RARB: variants seen among roughly 807,000 people sequenced by gnomAD.
RARB encodes the protein HBV-activated protein.
RARB carries 17 observed loss-of-function variants against 51.9 expected under a neutral mutation model. That is an observed-to-expected ratio of 0.33 (90% CI 0.22 to 0.49). RARB has a LOEUF of 0.49. RARB is among the 20% of genes least tolerant of loss of function. The probability of loss-of-function intolerance (pLI) is 0.99; values close to 1 mark genes in which losing one functional copy is unlikely to be tolerated. For missense variants in RARB, 369 were observed against 550.8 expected, an observed-to-expected ratio of 0.67 and a Z score of 3.30; for synonymous variants, 215 against 195.4, an observed-to-expected ratio of 1.10 and a Z score of -0.84.
chr3:25,250,081 CTGGTGCTGG>C (rs1245441228), intron 5 of RARB, among the ~76,000 whole-genome samples: 4 of 152,134 alleles, frequency 2.6e-5, no homozygotes, highest in African/African-American at 9.7e-5. Flanking sequence ...GGAGTCCACA[CTGGTGCTGG>C]TGGTGGCTGT....
intron 2 of RARB, among the ~76,000 whole-genome samples, chr3:25,048,906 C>G (rs892004619): frequency 1.3e-5 from 2 of 152,064 alleles, no homozygotes. Flanking sequence ...GCGCCCGCCA[C>G]TGTGCCCGGC....
At chr3:24,940,037 A>G (rs1368410724) in intron 2 of RARB, among the ~76,000 whole-genome samples, 1 of 152,218 alleles carries the variant, frequency 6.6e-6, no homozygotes, top group African/African-American at 2.4e-5. Context: ...GTTATTATGT[A>G]AATGGGCTCT....
intron 2 of RARB, among the ~76,000 whole-genome samples, chr3:24,921,743 G>A (rs890260517): frequency 5.3e-5 from 8 of 152,114 alleles, no homozygotes; most frequent in Non-Finnish European, 1.0e-4. Context: ...GACTAAATTT[G>A]TCTGGACCTA....
chr3:25,394,029 TGAA>T (rs1360200140), intron 5 of RARB, among the ~76,000 whole-genome samples: 1 of 152,014 alleles, frequency 6.6e-6, no homozygotes, highest in Non-Finnish European at 1.5e-5. Context: ...TTCTTTTTGA[TGAA>T]GGTGTTTAAT....
chr3:25,081,541 T>G (rs1419276393), intron 3 of RARB, among the ~76,000 whole-genome samples: 1 of 139,838 alleles, frequency 7.2e-6, no homozygotes, highest in Admixed American at 7.3e-5. Flanking sequence ...TAATTGTACA[T>G]GTGCCTATTT....
upstream of RARB, chr3:25,428,168 G>A: frequency 1.8e-6 from 2 of 1,126,204 alleles, no homozygotes; most frequent in Non-Finnish European, 2.2e-6. Flanking sequence ...AGTTGGTGAT[G>A]TCAGACTAGT....
chr3:25,203,964 G>C (rs1011383554), intron 5 of RARB, among the ~76,000 whole-genome samples: 15 of 152,100 alleles, frequency 9.9e-5, no homozygotes, highest in African/African-American at 3.6e-4. Flanking sequence ...TCCTGAATTT[G>C]AATGTTGGCC....
Position 25,042,852 on chromosome 3 carries a change from C to T in RARB, c.-379-17273C>T, listed in dbSNP as rs537948670. On this transcript the variant is annotated intron_variant, in intron 2 of 11. Coordinates refer to the RARB transcript ENST00000383772. Reference sequence around the variant, plus strand: ...TGGTACCCCTTGACCAATATATCCCCATTTCCTCTACCCCTCCAGCCCCTG... The same window carrying T: ...TGGTACCCCTTGACCAATATATCCCTATTTCCTCTACCCCTCCAGCCCCTG... Among the ~76,000 whole-genome samples, 299 of 152,310 alleles carry T rather than the reference C, an allele frequency of 2.0e-3. 1 individual carries two copies. Among genetic ancestry groups the T allele is most frequent in the South Asian group, 7.1e-3 (34 of 4,818 alleles).
intron 4 of RARB, among the ~76,000 whole-genome samples, chr3:25,133,821 G>A (rs998343868): frequency 9.0e-6 from 1 of 110,710 alleles, no homozygotes. Flanking sequence ...GTATGTGTGT[G>A]ACACAAGGAG....
At chr3:25,327,621 G>T in intron 5 of RARB, among the ~76,000 whole-genome samples, 1 of 152,282 alleles carries the variant, frequency 6.6e-6, no homozygotes, top group African/African-American at 2.4e-5. Context: ...ATCTGATCTT[G>T]AGGTTTGGCT....
intron 5 of RARB, among the ~76,000 whole-genome samples, chr3:25,282,343 AC>A (rs1478968345): frequency 1.3e-5 from 2 of 152,200 alleles, no homozygotes; most frequent in East Asian, 3.9e-4. Flanking sequence ...CACATGGCTT[AC>A]TCTTGAATGT....
At chr3:25,255,599 C>T (rs781613102) in intron 5 of RARB, among the ~76,000 whole-genome samples, 1 of 152,040 alleles carries the variant, frequency 6.6e-6, no homozygotes, top group Non-Finnish European at 1.5e-5. Flanking sequence ...AGAGTCAGTA[C>T]TTGCCGTGTA....
intron 2 of RARB, chr3:25,020,210 T>G (rs1697603975): frequency 6.6e-6 from 1 of 151,662 alleles, no homozygotes; most frequent in South Asian, 2.1e-4. Flanking sequence ...GGGCAGTGGC[T>G]TTTCACAGGC....
In RARB at chr3:25,230,788, A is replaced by T. The variant is rs59152173; in HGVS notation, c.178+56213A>T. Among the ~76,000 whole-genome samples, 358 of 152,194 alleles carry T rather than the reference A, an allele frequency of 2.4e-3. 1 individual carries two copies. The highest frequency in any genetic ancestry group is 7.8e-3 in the African/African-American group (326 of 41,542). On this transcript the variant is annotated intron_variant, in intron 5 of 11. Transcript: ENST00000383772. ...GACTTCACTGTTATAGTGCTGTTCA[A>T]TAGGGTAGCCACTAGCCACTTGTAG...
intron 5 of RARB, among the ~76,000 whole-genome samples, chr3:25,389,598 C>T (rs550653263): frequency 2.6e-5 from 4 of 152,092 alleles, no homozygotes; most frequent in Admixed American, 6.6e-5. Context: ...AGAGGGCCAG[C>T]GCAGAGAACT....
chr3:24,920,514 G>T (rs190500470), intron 2 of RARB, among the ~76,000 whole-genome samples: 2 of 152,254 alleles, frequency 1.3e-5, no homozygotes, highest in East Asian at 1.9e-4. Context: ...TGGAAGTTAG[G>T]TTAAAATTGG....
intron 2 of RARB, among the ~76,000 whole-genome samples, chr3:25,498,941 A>T (rs1471913042): frequency 6.6e-6 from 1 of 152,194 alleles, no homozygotes; most frequent in Non-Finnish European, 1.5e-5. Flanking sequence ...ATTTCACAGT[A>T]TTTGTAACCT....
In RARB at chr3:25,064,140, C is replaced by A. The variant is rs183880757; in HGVS notation, c.-328+3964C>A. On this transcript the variant is annotated intron_variant, in intron 3 of 11. Transcript: ENST00000383772. ...GATTGCTTTAGTGATATAATGATAA[C>A]CAAGATTAAAGCAAGCAAGCATCCA... Among the ~76,000 whole-genome samples, 13 of 152,126 alleles carry A rather than the reference C, an allele frequency of 8.5e-5. No homozygotes were observed. The East Asian group carries it at 2.3e-3, about 27-fold the overall frequency.
chr3:25,248,012 T>G (rs752931888), intron 5 of RARB, among the ~76,000 whole-genome samples: 10 of 152,232 alleles, frequency 6.6e-5, no homozygotes, highest in Non-Finnish European at 1.5e-4. Flanking sequence ...TTGGAATTCC[T>G]CTTCCTTTAA....
Sources: gnomAD v4.1 joint callset for allele counts (sites outside exome capture counted in the v4.1 genomes callset) on GRCh38, gnomAD v4.1.1 for gene constraint, MANE v1.5 for transcripts, NCBI Gene and HGNC (gene_info 2026-07-23, HGNC 2026-07-21) for gene names.